The following RGS12 variants were observed in gnomAD, a reference collection of about 807,000 sequenced individuals.
RGS12 encodes regulator of G-protein signaling 12.
A neutral mutation model predicts 120.1 loss-of-function variants in RGS12; 66 were observed. The observed-to-expected ratio is 0.55, with a 90% CI of 0.45 to 0.67. The LOEUF is 0.67. RGS12 is among the 30% of genes least tolerant of loss of function. The pLI, the probability that RGS12 is intolerant of heterozygous loss-of-function variation, is 0.00. For synonymous variants in RGS12, 827 were observed against 804.7 expected (o/e 1.03, Z -0.47); for missense variants, 1,859 against 1,957.7 (o/e 0.95, Z 0.95).
intron 4 of RGS12, among the ~76,000 whole-genome samples, chr4:3,404,490 G>A (rs189345674): frequency 8.5e-4 from 129 of 152,332 alleles, no homozygotes; most frequent in Admixed American, 4.5e-3. Flanking sequence ...TGGGTCAGTC[G>A]TTCTTAAGCT....
At chr4:3,307,305 G>A (rs1724029745) in intron 1 of RGS12, among the ~76,000 whole-genome samples, 1 of 152,242 alleles carries the variant, frequency 6.6e-6, no homozygotes, top group South Asian at 2.1e-4. Flanking sequence ...CTGGGGACAG[G>A]CCACGCTGCG....
At chr4:3,302,846 C>G (rs533109214) in intron 1 of RGS12, among the ~76,000 whole-genome samples, 1 of 151,950 alleles carries the variant, frequency 6.6e-6, no homozygotes, top group African/African-American at 2.4e-5. Context: ...AGAGAGGGCC[C>G]GTTTCAAGAG....
At chr4:3,310,276 GTGTCGGGGAGGAGCTGGGACCCGGGAAAT>G (rs1560646908) in intron 1 of RGS12, among the ~76,000 whole-genome samples, 24 of 132,684 alleles carry the variant, frequency 1.8e-4, no homozygotes, top group African/African-American at 7.2e-4. Context: ...GAGGGGAACC[GTGTCGGGGAGGAGCTGGGACCCGGGAAAT>G]GGCAGGTGTC....
chr4:3,299,352 C>T (rs1024174233), intron 1 of RGS12, among the ~76,000 whole-genome samples: 3 of 152,158 alleles, frequency 2.0e-5, no homozygotes, highest in African/African-American at 7.2e-5. Flanking sequence ...TTGGACTCTT[C>T]AAGCTGGGAG....
In RGS12 at chr4:3,317,238, T is replaced by C; in HGVS notation, c.1068T>C (p.Ala356=). The C allele has an allele frequency of 6.2e-7, 1 of 1,614,118 alleles. No homozygotes were observed. The highest frequency in any genetic ancestry group is 8.5e-7 in the Non-Finnish European group (1 of 1,180,036). The change falls in exon 2 of 18, where the codon GCT becomes GCC. Residue 356 remains alanine (A), a synonymous_variant. Coordinates refer to ENST00000336727, the MANE Select transcript of RGS12 (RefSeq NM_001394154.1). The part of the protein sequence containing the change: ...LFNHKIHQGI[A]RRFGFECTAD... ...ATCACAAGATCCACCAAGGCATTGC[T>C]CGGCGGTTTGGGTTTGAGTGCACGG... is the stretch of plus-strand genomic sequence containing the variant.
At chr4:3,406,146 G>A (rs1195229072) in intron 4 of RGS12, among the ~76,000 whole-genome samples, 1 of 152,202 alleles carries the variant, frequency 6.6e-6, no homozygotes. Context: ...GGGGACTGAG[G>A]CCCACGGGAC....
At chr4:3,396,631 T>C (rs1355907261) in intron 4 of RGS12, among the ~76,000 whole-genome samples, 5 of 152,248 alleles carry the variant, frequency 3.3e-5, no homozygotes, top group African/African-American at 4.8e-5. Context: ...TGTTTGTCTA[T>C]CATTGGATCA....
intron 14 of RGS12, 141 bp from the exon 15 acceptor site, chr4:3,427,949 G>A (rs1723834875): frequency 1.3e-6 from 1 of 798,056 alleles, no homozygotes; most frequent in South Asian, 1.5e-5. Context: ...TCCCCTCAGG[G>A]CTGTGCGTGG....
At chr4:3,368,874 G>A (rs375460443) in intron 3 of RGS12, among the ~76,000 whole-genome samples, 1 of 152,048 alleles carries the variant, frequency 6.6e-6, no homozygotes, top group South Asian at 2.1e-4. Context: ...TACGTGCTCC[G>A]CCTTCTGTCA....
intron 16 of RGS12, among the ~76,000 whole-genome samples, chr4:3,429,087 C>A (rs552130787): frequency 6.6e-6 from 1 of 152,346 alleles, no homozygotes; most frequent in African/African-American, 2.4e-5. Flanking sequence ...AGAGAGTCCA[C>A]CCTAGGCAGA....
chr4:3,324,377 C>A, intron 2 of RGS12: 1 of 199,360 alleles, frequency 5.0e-6, no homozygotes, highest in South Asian at 7.4e-5. Flanking sequence ...GACAAGTGGT[C>A]CATCTCTTAG....
At chr4:3,320,564 G>T (rs539699506) in intron 2 of RGS12, among the ~76,000 whole-genome samples, 1 of 152,248 alleles carries the variant, frequency 6.6e-6, no homozygotes, top group Non-Finnish European at 1.5e-5. Context: ...CTGGCGCTCC[G>T]TGTGGGATTT....
Position 3,366,656 on chromosome 4 carries a change from C to G in RGS12, c.1999-19760C>G, listed in dbSNP as rs1009201291. Among the ~76,000 whole-genome samples, 10 of 152,224 alleles carry G rather than the reference C, an allele frequency of 6.6e-5. No individual in the cohort carries two copies. The highest frequency in any genetic ancestry group is 1.3e-4 in the Admixed American group (2 of 15,292). ...CTTCAGGAGAGAGTGCTTCTGTTCCCTCCAGGTCGAGCTGTGCGCCAGGCA... is the reference window on the plus strand; with the variant it reads ...CTTCAGGAGAGAGTGCTTCTGTTCCGTCCAGGTCGAGCTGTGCGCCAGGCA... On this transcript the variant is annotated intron_variant, in intron 3 of 17. Coordinates refer to ENST00000336727, the MANE Select transcript of RGS12 (RefSeq NM_001394154.1). The surrounding 1 kb of genome is among the most constrained non-coding windows in gnomAD (Gnocchi z 4.0).
At position 3,317,313 on chromosome 4, in the gene RGS12, C is replaced by T. The variant is rs751957160; in HGVS notation, c.1143C>T (p.Pro381=). 3.2e-5 allele frequency: 51 copies of T among 1,614,042 alleles called. 1 individual carries two copies. Among genetic ancestry groups the T allele is most frequent in the East Asian group, 2.0e-4 (9 of 44,898 alleles). The change falls in exon 2 of 18, where the codon CCC becomes CCT. Residue 381 remains proline (P), a synonymous_variant. Coordinates refer to ENST00000336727, the MANE Select transcript of RGS12 (RefSeq NM_001394154.1). ...GCLEFPASSL[P]VLQFISVLYR... Reference sequence around the variant, plus strand: ...TGGAATTCCCGGCGTCCTCCCTCCCCGTCCTGCAGTTCATCTCTGTCCTGT... The same window carrying T: ...TGGAATTCCCGGCGTCCTCCCTCCCTGTCCTGCAGTTCATCTCTGTCCTGT...
Position 3,372,924 on chromosome 4 carries a change from G to GAAT in RGS12, c.1999-13490_1999-13488dup, listed in dbSNP as rs919187472. On this transcript the variant is annotated intron_variant, in intron 3 of 17. Coordinates refer to ENST00000336727, the MANE Select transcript of RGS12 (RefSeq NM_001394154.1). This position sits in a 1 kb window ranked among gnomAD's most constrained non-coding sequence, Gnocchi z 4.3. ...AAGGGTTGCACTGTTTAAAAACGTG[G>GAAT]AATATTCTCTTGTAGGCAGTGTGGA... Among the ~76,000 whole-genome samples the GAAT allele has an allele frequency of 2.0e-5, 3 of 152,220 alleles. No homozygotes were observed. Among genetic ancestry groups the GAAT allele is most frequent in the Non-Finnish European group, 4.4e-5 (3 of 68,036 alleles).
intron 17 of RGS12, among the ~76,000 whole-genome samples, chr4:3,437,180 G>C (rs536268647): frequency 6.9e-4 from 105 of 152,262 alleles, no homozygotes; most frequent in African/African-American, 2.3e-3. Flanking sequence ...TGGCTGCCCT[G>C]CACAGGAGGG....
intron 3 of RGS12, among the ~76,000 whole-genome samples, chr4:3,383,117 A>G (rs1005187): frequency 0.63 from 95,227 of 151,810 alleles, 30,435 homozygotes; most frequent in East Asian, 0.9. Flanking sequence ...ACCTAGGACA[A>G]CACTACTCCC....
At chr4:3,348,082 A>G (rs929233739) in intron 3 of RGS12, among the ~76,000 whole-genome samples, 1 of 152,254 alleles carries the variant, frequency 6.6e-6, no homozygotes, top group African/African-American at 2.4e-5. Context: ...CAGAAGCTTG[A>G]CTGGAAAATA....
At chr4:3,306,451 C>T (rs545005483) in intron 1 of RGS12, among the ~76,000 whole-genome samples, 69 of 152,330 alleles carry the variant, frequency 4.5e-4, no homozygotes, top group African/African-American at 1.2e-3. Context: ...AAGTCCCGCT[C>T]GATAAGCGGC....
Sources: allele counts gnomAD v4.1 joint callset (sites outside exome capture counted in the v4.1 genomes callset), GRCh38; gene constraint gnomAD v4.1.1; non-coding constraint Gnocchi (gnomAD v3.1); transcripts MANE v1.5; gene names NCBI Gene and HGNC (gene_info 2026-07-23, HGNC 2026-07-21).